The following SLC39A8 variants were observed in gnomAD, a reference collection of about 807,000 sequenced individuals.
SLC39A8 encodes the protein solute carrier family 39 member 8.
Under a neutral mutation model 40.4 loss-of-function variants are expected in SLC39A8, and 15 were observed. The observed-to-expected ratio is 0.37, with a 90% CI of 0.25 to 0.57. The LOEUF (loss-of-function observed/expected upper bound fraction) is 0.57. SLC39A8 is among the 20% of genes least tolerant of loss of function. The pLI is 0.75. For synonymous variants in SLC39A8, 223 were observed against 221.6 expected, an observed-to-expected ratio of 1.01 and a Z score of -0.06; for missense variants, 472 against 558.8, an observed-to-expected ratio of 0.84 and a Z score of 1.57.
chr4:102,324,563 G>A (rs769421701), intron 2 of SLC39A8, among the ~76,000 whole-genome samples: 1 of 152,176 alleles, frequency 6.6e-6, no homozygotes, highest in South Asian at 2.1e-4. Context: ...CTCCAAAAAT[G>A]CTGTGAAGAC....
intron 2 of SLC39A8, among the ~76,000 whole-genome samples, chr4:102,328,014 G>A (rs772163759): frequency 4.6e-5 from 7 of 151,852 alleles, no homozygotes; most frequent in Non-Finnish European, 7.4e-5. Context: ...TATAGTAATG[G>A]GCTACAGAGA....
chr4:102,321,499 C>T (rs547331353), intron 2 of SLC39A8, among the ~76,000 whole-genome samples: 12 of 152,204 alleles, frequency 7.9e-5, no homozygotes, highest in Non-Finnish European at 1.8e-4. Flanking sequence ...GCAGGAACTC[C>T]GCTAGCTTTG....
At chr4:102,319,929 G>A (rs1044058686) in intron 2 of SLC39A8, among the ~76,000 whole-genome samples, 58 of 151,710 alleles carry the variant, frequency 3.8e-4, no homozygotes, top group African/African-American at 1.4e-3. Context: ...AAAAGGCAGA[G>A]GAAGGAATTT....
intron 6 of SLC39A8, among the ~76,000 whole-genome samples, chr4:102,275,198 A>G (rs11725311): frequency 0.3 from 45,781 of 152,022 alleles, 7,592 homozygotes; most frequent in East Asian, 0.41. Flanking sequence ...TGCTGTATTC[A>G]GGAGACCCAT....
At chr4:102,318,353 G>T (rs929325613) in intron 2 of SLC39A8, among the ~76,000 whole-genome samples, 2 of 152,078 alleles carry the variant, frequency 1.3e-5, no homozygotes, top group African/African-American at 2.4e-5. Flanking sequence ...AAAACTCAAA[G>T]CTCCCCTCAT....
At chr4:102,286,320 T>C (rs1373835091) in intron 6 of SLC39A8, among the ~76,000 whole-genome samples, 1 of 152,144 alleles carries the variant, frequency 6.6e-6, no homozygotes, top group Non-Finnish European at 1.5e-5. Context: ...TTTTTATCAA[T>C]CAGCATGCAT....
intron 6 of SLC39A8, among the ~76,000 whole-genome samples, chr4:102,287,279 G>C (rs551839256): frequency 6.6e-6 from 1 of 152,130 alleles, no homozygotes; most frequent in African/African-American, 2.4e-5. Flanking sequence ...AACAGGTAAT[G>C]GGCTTCATCA....
chr4:102,320,172 T>TATATATATATATATGTATATATATAC, intron 2 of SLC39A8, among the ~76,000 whole-genome samples: 1 of 60,790 alleles, frequency 1.6e-5, no homozygotes, highest in Non-Finnish European at 3.3e-5. Flanking sequence ...TATATACATA[T>TATATATATATATATGTATATATATAC]ATATATATAT....
chr4:102,331,177 C>A (rs189980622), intron 2 of SLC39A8, among the ~76,000 whole-genome samples: 1 of 152,190 alleles, frequency 6.6e-6, no homozygotes, highest in East Asian at 1.9e-4. Context: ...CTGGCCAGGG[C>A]AATCAGGCAA....
intron 1 of SLC39A8, 68 bp from the exon 2 acceptor site, chr4:102,344,983 A>C: frequency 1.3e-5 from 13 of 1,017,420 alleles, no homozygotes; most frequent in Middle Eastern, 4.0e-4. Flanking sequence ...AGGCTCCAGA[A>C]ACGCTGCGTG....
At chr4:102,268,771 C>T (rs1460730489) in intron 6 of SLC39A8, among the ~76,000 whole-genome samples, 6 of 152,176 alleles carry the variant, frequency 3.9e-5, no homozygotes, top group Admixed American at 3.9e-4. Flanking sequence ...TTTACACTAA[C>T]ACTTCCTTTC....
At chr4:102,255,823 A>G (rs1469135647) in intron 11 of SLC39A8, among the ~76,000 whole-genome samples, 2 of 152,216 alleles carry the variant, frequency 1.3e-5, no homozygotes, top group Non-Finnish European at 2.9e-5. Context: ...AGGACAACCC[A>G]GCTCCTAACT....
intron 2 of SLC39A8, among the ~76,000 whole-genome samples, chr4:102,341,801 G>C (rs1019342332): frequency 3.3e-5 from 5 of 152,164 alleles, no homozygotes; most frequent in African/African-American, 1.2e-4. Flanking sequence ...AATCTCCAGA[G>C]TTCATTAGTC....
At chr4:102,340,142 C>CT (rs1735876285) in intron 2 of SLC39A8, among the ~76,000 whole-genome samples, 2 of 152,152 alleles carry the variant, frequency 1.3e-5, no homozygotes, top group Non-Finnish European at 2.9e-5. Context: ...CTTAAACCAT[C>CT]TTCACCCATC....
intron 6 of SLC39A8, among the ~76,000 whole-genome samples, chr4:102,294,172 T>C (rs1013458802): frequency 6.6e-6 from 1 of 152,152 alleles, no homozygotes; most frequent in Admixed American, 6.6e-5. Flanking sequence ...AATCATTTAA[T>C]CAAGGAAAAT....
chr4:102,260,220 G>A (rs1296194465), downstream of SLC39A8, among the ~76,000 whole-genome samples: 9 of 152,160 alleles, frequency 5.9e-5, no homozygotes, highest in Non-Finnish European at 7.4e-5. Context: ...ATAAGCTTAC[G>A]AATTAAACTG....
At chr4:102,307,753 T>C (rs1734250362) in intron 3 of SLC39A8, 148 bp from the exon 4 acceptor site, 1 of 739,644 alleles carries the variant, frequency 1.4e-6, no homozygotes, top group Non-Finnish European at 2.2e-6. Context: ...GAAAAGTATA[T>C]AGAAAACTGA....
chr4:102,257,785 T>TA (rs1295332052), downstream of SLC39A8, among the ~76,000 whole-genome samples: 1 of 152,224 alleles, frequency 6.6e-6, no homozygotes, highest in South Asian at 2.1e-4. Context: ...ACCAACTTAC[T>TA]AACACTGAAC....
chr4:102,296,765 G>A (rs1395977649), intron 6 of SLC39A8, among the ~76,000 whole-genome samples: 2 of 152,114 alleles, frequency 1.3e-5, no homozygotes, highest in Non-Finnish European at 2.9e-5. Context: ...TATTACAGCA[G>A]CTAAAATGGT....
Sources: gnomAD v4.1 joint callset for allele counts (sites outside exome capture counted in the v4.1 genomes callset) on GRCh38, gnomAD v4.1.1 for gene constraint, MANE v1.5 for transcripts, NCBI Gene and HGNC (gene_info 2026-07-23, HGNC 2026-07-21) for gene names.